The following MICAL2 variants were observed in gnomAD, a reference collection of about 807,000 sequenced individuals.
MICAL2 encodes the protein [F-actin]-monooxygenase MICAL2.
MICAL2 carries 77 observed loss-of-function variants against 127.3 expected under a neutral mutation model. The observed-to-expected ratio is 0.60, with a 90% CI of 0.50 to 0.73. The LOEUF (loss-of-function observed/expected upper bound fraction) is 0.73, where lower values mean the gene tolerates loss of function less well. Among genes scored for constraint, MICAL2 ranks in the 30% least tolerant of loss-of-function variants. MICAL2 has a pLI of 0.00. For missense variants in MICAL2, 1,351 were observed against 1,434.4 expected (o/e 0.94, Z 0.94); for synonymous variants, 570 against 551.1 (o/e 1.03, Z -0.48).
upstream of MICAL2, among the ~76,000 whole-genome samples, chr11:12,272,820 G>A (rs771264432): frequency 5.3e-5 from 8 of 150,378 alleles, no homozygotes; most frequent in Non-Finnish European, 1.0e-4. Context: ...GGCCACCTGC[G>A]ACAAGTTCTT....
At chr11:12,285,171 G>C (rs1201113226) in intron 2 of MICAL2, among the ~76,000 whole-genome samples, 4 of 152,138 alleles carry the variant, frequency 2.6e-5, no homozygotes, top group Non-Finnish European at 5.9e-5. Context: ...CTTGCACTGA[G>C]TCAGTTCCTG....
At chr11:12,308,946 G>T (rs1864143154) in intron 29 of MICAL2, among the ~76,000 whole-genome samples, 1 of 152,254 alleles carries the variant, frequency 6.6e-6, no homozygotes, top group African/African-American at 2.4e-5. Flanking sequence ...AATGATAAAT[G>T]TAAGCAAATG....
In MICAL2 at chr11:12,252,094, C is replaced by T. The variant is rs76291459; in HGVS notation, c.2847+2848C>T. Among the ~76,000 whole-genome samples, 34 of 152,252 alleles carry T rather than the reference C, an allele frequency of 2.2e-4. No homozygotes were observed. The East Asian group carries it at 4.6e-3, about 21-fold the overall frequency. ...AGTGCTGAGAATATAACTGACCTCC[C>T]TGCCTTTCCTCCCACAAAGCCCAGG... On this transcript the variant is annotated intron_variant, in intron 22 of 27. Transcript: ENST00000683283.
chr11:12,254,830 G>T (rs546055531), intron 22 of MICAL2: 1 of 151,648 alleles, frequency 6.6e-6, no homozygotes, highest in South Asian at 2.1e-4. Flanking sequence ...AGGACTAAAA[G>T]GCTTTTGGTT....
chr11:12,260,344 C>G, intron 26 of MICAL2: 2 of 1,401,340 alleles, frequency 1.4e-6, no homozygotes, highest in Non-Finnish European at 1.8e-6. Flanking sequence ...GGGTGAACAT[C>G]TACTCACGGT....
In MICAL2 at chr11:12,204,405, G is replaced by A. The variant is rs749108593; in HGVS notation, c.420G>A (p.Leu140=). ...WPFTIHDLRG[L]GAKKFYGKFC... ...TCACCATCCATGACCTTCGTGGCCT[G>A]GGAGCCAAGAAGTTCTATGGGAAGT... Residue 140 remains leucine, a synonymous_variant, in exon 4 of 28, where the codon CTG becomes CTA. Coordinates refer to ENST00000683283, the MANE Select transcript of MICAL2 (RefSeq NM_001282663.2). 1.9e-6 allele frequency: 3 copies of A among 1,614,152 alleles called. No individual in the cohort carries two copies. The African/African-American group carries it at 4.0e-5, about 22-fold the overall frequency.
At chr11:12,329,758 C>T (rs371845803) in intron 32 of MICAL2, among the ~76,000 whole-genome samples, 1 of 150,828 alleles carries the variant, frequency 6.6e-6, no homozygotes, top group Non-Finnish European at 1.5e-5. Context: ...TATCCACACA[C>T]ATCTTCTTTT....
intron 32 of MICAL2, among the ~76,000 whole-genome samples, chr11:12,335,611 A>G (rs1271908601): frequency 6.6e-6 from 1 of 152,130 alleles, no homozygotes; most frequent in Non-Finnish European, 1.5e-5. Flanking sequence ...TCTTTAATCC[A>G]TCTTGAATTA....
intron 3 of MICAL2, among the ~76,000 whole-genome samples, chr11:12,178,246 A>G (rs752985104): frequency 6.6e-6 from 1 of 152,238 alleles, no homozygotes; most frequent in Non-Finnish European, 1.5e-5. Context: ...GAAGACATGG[A>G]AGCTGCTGAC....
At chr11:12,142,770 T>C (rs893208393) in intron 2 of MICAL2, among the ~76,000 whole-genome samples, 5 of 152,232 alleles carry the variant, frequency 3.3e-5, no homozygotes, top group African/African-American at 1.2e-4. Flanking sequence ...GAGGAGAAAA[T>C]TGAGACAGTT....
chr11:12,246,486 G>A (rs1161529982), intron 21 of MICAL2, among the ~76,000 whole-genome samples: 1 of 152,258 alleles, frequency 6.6e-6, no homozygotes, highest in African/African-American at 2.4e-5. Flanking sequence ...ACTGGGCTGG[G>A]AGCTACCCTT....
At chr11:12,293,948 AAGG>A, downstream of MICAL2, 1 of 1,613,802 alleles carries the variant, frequency 6.2e-7, no homozygotes, top group Non-Finnish European at 8.5e-7. Context: ...AGTGCTGGTA[AAGG>A]AGAAGTTGGG....
At chr11:12,223,957 C>T (rs1857117681) in intron 12 of MICAL2, among the ~76,000 whole-genome samples, 1 of 152,106 alleles carries the variant, frequency 6.6e-6, no homozygotes, top group Non-Finnish European at 1.5e-5. Flanking sequence ...CAGCGCCCAG[C>T]TCAGCTCAGG....
chr11:12,264,743 T>C (rs1409081561), downstream of MICAL2, among the ~76,000 whole-genome samples: 1 of 152,148 alleles, frequency 6.6e-6, no homozygotes, highest in Non-Finnish European at 1.5e-5. Context: ...CCCACTTCCA[T>C]TTAAGGAGGG....
chr11:12,243,937 T>C (rs1278389345), intron 20 of MICAL2, 50 bp from the exon 21 acceptor site: 24 of 1,605,238 alleles, frequency 1.5e-5, no homozygotes, highest in Non-Finnish European at 2.0e-5. Context: ...TGTATCACCA[T>C]GTGTGACTCC....
intron 1 of MICAL2, among the ~76,000 whole-genome samples, chr11:12,127,041 G>T (rs75140805): frequency 0.11 from 17,159 of 152,216 alleles, 1,202 homozygotes; most frequent in Admixed American, 0.17. Context: ...GGGAAATGAG[G>T]CTAGGCAGGT....
chr11:12,339,701 C>T (rs1372152839), intron 32 of MICAL2, among the ~76,000 whole-genome samples: 1 of 152,150 alleles, frequency 6.6e-6, no homozygotes, highest in African/African-American at 2.4e-5. Flanking sequence ...TTGGAGTTTG[C>T]TGGAGATCCA....
intron 14 of MICAL2, 69 bp downstream of exon 14, chr11:12,226,439 G>T (rs931208831): frequency 2.5e-5 from 38 of 1,498,076 alleles, no homozygotes; most frequent in Middle Eastern, 4.5e-4. Flanking sequence ...GAGTCTGGCT[G>T]CTCCTAACAC....
intron 29 of MICAL2, among the ~76,000 whole-genome samples, chr11:12,310,461 C>T (rs183739479): frequency 6.6e-6 from 1 of 152,080 alleles, no homozygotes; most frequent in Admixed American, 6.6e-5. Flanking sequence ...GTTCTTGGCA[C>T]CTTTGTTAAA....
Sources: gnomAD v4.1 joint callset for allele counts (sites outside exome capture counted in the v4.1 genomes callset) on GRCh38, gnomAD v4.1.1 for gene constraint, MANE v1.5 for transcripts, NCBI Gene and HGNC (gene_info 2026-07-23, HGNC 2026-07-21) for gene names.